Variants in KIDINS220 observed in about 807,000 individuals in gnomAD.
KIDINS220 encodes the protein kinase D interacting substrate 220.
In KIDINS220, 63 loss-of-function variants were observed where a neutral mutation model predicts 157.6. That is an observed-to-expected ratio of 0.40 (90% CI 0.33 to 0.49). KIDINS220 has a LOEUF of 0.49. KIDINS220 is among the 20% of genes least tolerant of loss of function. KIDINS220 has a pLI of 0.66. For missense variants in KIDINS220, 1,772 were observed against 2,171.2 expected (o/e 0.82, Z 3.65); for synonymous variants, 732 against 783.6 (o/e 0.93, Z 1.10).
chr2:8,742,349 C>A (rs1282517269), intron 26 of KIDINS220, among the ~76,000 whole-genome samples: 1 of 151,944 alleles, frequency 6.6e-6, no homozygotes, highest in Non-Finnish European at 1.5e-5. Flanking sequence ...CATCCTCCTG[C>A]CTCAGCCTTC....
downstream of KIDINS220, chr2:8,723,648 C>A (rs1481916997): frequency 1.3e-5 from 2 of 152,178 alleles, no homozygotes; most frequent in Non-Finnish European, 2.9e-5. Flanking sequence ...GGGGTTGTCA[C>A]TGAAGATAAC....
At chr2:8,812,250 GAT>G in intron 6 of KIDINS220, 143 bp downstream of exon 6, 1 of 327,364 alleles carries the variant, frequency 3.1e-6, no homozygotes, top group Non-Finnish European at 5.5e-6. Context: ...CCATCTATGA[GAT>G]ATATATCTAT....
chr2:8,827,646 C>T (rs765937787), intron 1 of KIDINS220, among the ~76,000 whole-genome samples: 5 of 152,068 alleles, frequency 3.3e-5, no homozygotes, highest in Non-Finnish European at 7.4e-5. Context: ...CCTAACTGGC[C>T]TCCCTGCCTC....
intron 1 of KIDINS220, among the ~76,000 whole-genome samples, chr2:8,831,912 G>A (rs991124001): frequency 2.0e-5 from 3 of 152,196 alleles, no homozygotes; most frequent in African/African-American, 7.2e-5. Context: ...ACAAAAACAT[G>A]AACATCACCC....
At chr2:8,726,917 A>G, downstream of KIDINS220, 1 of 1,289,034 alleles carries the variant, frequency 7.8e-7, no homozygotes, top group Non-Finnish European at 1.0e-6. Flanking sequence ...CTGAAGAGCT[A>G]TCTATCTCAA....
chr2:8,761,602 G>A (rs1668755328), intron 22 of KIDINS220, among the ~76,000 whole-genome samples: 1 of 151,882 alleles, frequency 6.6e-6, no homozygotes, highest in African/African-American at 2.4e-5. Flanking sequence ...GCTGAAAAAT[G>A]TCCTGAAGCC....
intron 21 of KIDINS220, among the ~76,000 whole-genome samples, chr2:8,776,185 AGAGTT>A (rs150471242): frequency 0.016 from 2,492 of 152,302 alleles, 76 homozygotes; most frequent in African/African-American, 0.057. Flanking sequence ...CTATCATAAT[AGAGTT>A]AACACTAGTA....
chr2:8,759,701 T>C (rs907639263), intron 22 of KIDINS220, among the ~76,000 whole-genome samples: 2 of 151,834 alleles, frequency 1.3e-5, no homozygotes, highest in Admixed American at 6.6e-5. Context: ...CGACGTCGAA[T>C]GTTCTGAGGA....
chr2:8,779,136 G>T lies in KIDINS220; in HGVS notation c.2374C>A (p.Arg792=). Residue 792 remains arginine (R), a synonymous_variant, in exon 19 of 30, where the codon CGA becomes AGA. Coordinates refer to ENST00000256707, the MANE Select transcript of KIDINS220 (RefSeq NM_020738.4). Reference sequence around the variant, plus strand: ...AACGGGCCTTTTGAAAACAGAACTCGGACCTGTGGCAGAAGAAATGTACAG... The same window carrying T: ...AACGGGCCTTTTGAAAACAGAACTCTGACCTGTGGCAGAAGAAATGTACAG... ...DKVLQMLDTV[R]VLFSKGPFIA... is the part of the protein sequence containing the mutation. 6.2e-7 allele frequency: 1 copy of T among 1,612,262 alleles called. No individual in the cohort carries two copies.
At chr2:8,776,931 T>C (rs1298809584) in intron 20 of KIDINS220, 39 bp from the exon 21 acceptor site, 3 of 1,599,380 alleles carry the variant, frequency 1.9e-6, no homozygotes, top group Non-Finnish European at 8.5e-7. Context: ...AACCCACGCG[T>C]CCAGTCTAAG....
At chr2:8,758,155 G>A (rs931069784) in intron 22 of KIDINS220, among the ~76,000 whole-genome samples, 6 of 152,288 alleles carry the variant, frequency 3.9e-5, no homozygotes, top group Middle Eastern at 3.4e-3. Flanking sequence ...GAGCCACTGC[G>A]CCCAGCCCTG....
rs1671549049 is a variant in KIDINS220 at position 8,780,521 on chromosome 2, TGTGTGTGTGTGTGTGTGTGTGGTGGGGG to T, written c.2230-735_2230-708del. On this transcript the variant is annotated intron_variant, in intron 17 of 29. Transcript: ENST00000256707. Reference sequence around the variant, plus strand: ...AAGCTTATATATGTGTGTGTGTGTCTGTGTGTGTGTGTGTGTGTGTGGTGGGGGGTGTGTGTGTGTGTGTATAATGTAC... The same window carrying T: ...AAGCTTATATATGTGTGTGTGTGTCTGTGTGTGTGTGTGTGTATAATGTAC... Among the ~76,000 whole-genome samples the T allele has an allele frequency of 8.9e-4, 8 of 9,034 alleles. No individual in the cohort carries two copies. The East Asian group carries it at 0.028, about 31-fold the overall frequency. 5.9% of individuals were successfully genotyped at this position (9,034 alleles called of 152,430 possible). A position where few individuals can be genotyped will look rare whatever the true frequency, so the allele number is the denominator to read the frequency against.
At chr2:8,733,398 G>T in intron 29 of KIDINS220, 46 bp downstream of exon 29, 2 of 1,456,744 alleles carry the variant, frequency 1.4e-6, no homozygotes, top group Non-Finnish European at 1.9e-6. Flanking sequence ...GAACTGAACG[G>T]TGTGCTTATT....
Position 8,731,250 on chromosome 2 carries a change from T to C in KIDINS220, c.4786A>G (p.Asn1596Asp), listed in dbSNP as rs554194414. The C allele has an allele frequency of 3.7e-6, 6 of 1,614,146 alleles. No individual in the cohort carries two copies. Among genetic ancestry groups the C allele is most frequent in the East Asian group, 2.2e-5 (1 of 44,878 alleles). The change falls in exon 30 of 30, where the codon AAT becomes GAT. Residue 1596 changes from asparagine to aspartate, a missense_variant. Coordinates refer to ENST00000256707, the MANE Select transcript of KIDINS220 (RefSeq NM_020738.4). This position sits in a 1 kb window ranked among gnomAD's most constrained non-coding sequence, Gnocchi z 5.2. Reference sequence around the variant, plus strand: ...GCCACTTCATTGTGCAGAGAGTGATTGGGAGAACTTTCACTGGATCTCACT... The same window carrying C: ...GCCACTTCATTGTGCAGAGAGTGATCGGGAGAACTTTCACTGGATCTCACT... ...SGVRSSESSPNHSLHNEVADD... is the reference protein window; with the variant it reads ...SGVRSSESSPDHSLHNEVADD...
chr2:8,792,447 A>G (rs1429131083), intron 12 of KIDINS220, among the ~76,000 whole-genome samples: 1 of 152,220 alleles, frequency 6.6e-6, no homozygotes, highest in African/African-American at 2.4e-5. Context: ...TACAAAAAGG[A>G]AACTGGCAAG....
intron 7 of KIDINS220, among the ~76,000 whole-genome samples, chr2:8,804,649 A>G (rs1675190279): frequency 6.6e-6 from 1 of 152,274 alleles, no homozygotes; most frequent in South Asian, 2.1e-4. Flanking sequence ...TTTTATAAGA[A>G]AAATATTTTA....
chr2:8,775,525 C>T (rs1480598206), intron 21 of KIDINS220, among the ~76,000 whole-genome samples: 1 of 152,178 alleles, frequency 6.6e-6, no homozygotes, highest in East Asian at 1.9e-4. Context: ...CTGTCAAACA[C>T]CACTAATGGG....
intron 6 of KIDINS220, among the ~76,000 whole-genome samples, chr2:8,808,819 T>C (rs1207558997): frequency 6.6e-6 from 1 of 152,234 alleles, no homozygotes. Context: ...TCTCCTGTTC[T>C]AACAAATTTT....
At position 8,790,018 on chromosome 2, in the gene KIDINS220, A is replaced by G. The variant is rs533098482; in HGVS notation, c.1483T>C (p.Phe495Leu). ...TFAGQQIEPL[F>L]QFSWLIVFLT... ...AACACTATGAGCCATGAGAACTGAA[A>G]GAGAGGCTCAATCTGTTGTCCGGCG... is the stretch of plus-strand genomic sequence containing the variant. Residue 495 changes from phenylalanine (F) to leucine (L), a missense_variant, in exon 14 of 30, where the codon TTT becomes CTT. Physicochemically the swap from Phe to Leu is conservative, Grantham distance 22. Coordinates refer to ENST00000256707, the MANE Select transcript of KIDINS220 (RefSeq NM_020738.4). 1 of 1,608,508 alleles carries G rather than the reference A, an allele frequency of 6.2e-7. No individual in the cohort carries two copies. The highest frequency in any genetic ancestry group is 1.1e-5 in the South Asian group (1 of 89,234).
Sources: gnomAD v4.1 joint callset for allele counts (sites outside exome capture counted in the v4.1 genomes callset) on GRCh38, gnomAD v4.1.1 for gene constraint, Gnocchi (gnomAD v3.1) non-coding constraint, MANE v1.5 for transcripts, NCBI Gene and HGNC (gene_info 2026-07-23, HGNC 2026-07-21) for gene names.